EYS: variants seen among roughly 807,000 people sequenced by gnomAD.
EYS encodes the protein protein eyes shut homolog.
Under a neutral mutation model 282.1 loss-of-function variants are expected in EYS, and 250 were observed. The observed-to-expected ratio is 0.89, with a 90% CI of 0.80 to 0.98. The LOEUF is 0.98. Ranked by LOEUF, EYS falls within the 50% of genes least tolerant of loss-of-function variation. The pLI is 0.00. For missense variants in EYS, 4,016 were observed against 3,709.0 expected (o/e 1.08, Z -2.15); for synonymous variants, 1,355 against 1,282.9 (o/e 1.06, Z -1.20).
chr6:64,486,575 C>T (rs1776584063), intron 26 of EYS, among the ~76,000 whole-genome samples: 1 of 151,376 alleles, frequency 6.6e-6, no homozygotes, highest in Non-Finnish European at 1.5e-5. Context: ...TGCACATTGG[C>T]AGAGCAGCAG....
chr6:64,726,563 G>C (rs953397737), intron 22 of EYS, among the ~76,000 whole-genome samples: 3 of 152,046 alleles, frequency 2.0e-5, no homozygotes, highest in Non-Finnish European at 2.9e-5. Context: ...GATAGAAAAA[G>C]AAGAGATTCA....
intron 19 of EYS, among the ~76,000 whole-genome samples, chr6:64,884,512 A>G (rs1767024416): frequency 6.6e-6 from 1 of 151,578 alleles, no homozygotes; most frequent in Non-Finnish European, 1.5e-5. Context: ...TTGAAATGGA[A>G]CAACCTAAAA....
intron 41 of EYS, among the ~76,000 whole-genome samples, chr6:63,738,594 G>C (rs1197245686): frequency 8.3e-6 from 1 of 121,004 alleles, no homozygotes; most frequent in Admixed American, 9.3e-5. Context: ...TTGTGGGGTG[G>C]GGGGAGGGGG....
At chr6:63,791,320 C>T (rs1479966396) in intron 37 of EYS, among the ~76,000 whole-genome samples, 1 of 152,082 alleles carries the variant, frequency 6.6e-6, no homozygotes, top group African/African-American at 2.4e-5. Flanking sequence ...AATCCCAGCA[C>T]TTTGGGAGAC....
chr6:64,062,663 C>A (rs903041137), intron 33 of EYS, among the ~76,000 whole-genome samples: 1 of 148,322 alleles, frequency 6.7e-6, no homozygotes, highest in African/African-American at 2.5e-5. Context: ...TGCACTCCAA[C>A]CTGGGGGACA....
chr6:64,453,332 G>A (rs1775431203), intron 26 of EYS, among the ~76,000 whole-genome samples: 1 of 152,146 alleles, frequency 6.6e-6, no homozygotes, highest in Non-Finnish European at 1.5e-5. Flanking sequence ...AGTTAGAATG[G>A]CGATCATTAA....
rs373970881 is a variant in EYS, at chr6:64,206,363, C to T, written c.6424+24229G>A. Among the ~76,000 whole-genome samples, 15 of 152,190 alleles carry T rather than the reference C, an allele frequency of 9.9e-5. 1 individual carries two copies. Among genetic ancestry groups the T allele is most frequent in the African/African-American group, 3.6e-4 (15 of 41,556 alleles). On this transcript the variant is annotated intron_variant, in intron 31 of 42. Coordinates refer to ENST00000503581, the MANE Select transcript of EYS (RefSeq NM_001142800.2). ...AGGACTTCACTGGTTTTCCCAAGGG[C>T]CTCTCTTATTATTTTGTTATTCAAA...
intron 2 of EYS, among the ~76,000 whole-genome samples, chr6:65,620,984 A>G (rs1272497330): frequency 1.3e-5 from 2 of 152,096 alleles, no homozygotes; most frequent in African/African-American, 2.4e-5. Flanking sequence ...TATGTGGTCA[A>G]TTTTGGAATA....
intron 22 of EYS, among the ~76,000 whole-genome samples, chr6:64,658,704 A>T (rs4286754): frequency 0.64 from 97,333 of 152,044 alleles, 31,392 homozygotes; most frequent in African/African-American, 0.71. Flanking sequence ...TACTGGATCA[A>T]TCCTCTGGAA....
chr6:64,471,537 A>T (rs1776120931), intron 26 of EYS, among the ~76,000 whole-genome samples: 2 of 146,714 alleles, frequency 1.4e-5, no homozygotes, highest in Admixed American at 1.4e-4. Context: ...AGGAGTTAAA[A>T]GACCTCTATA....
intron 5 of EYS, among the ~76,000 whole-genome samples, chr6:65,480,216 A>C (rs1211851632): frequency 6.6e-6 from 1 of 152,066 alleles, no homozygotes; most frequent in African/African-American, 2.4e-5. Flanking sequence ...AGAGACAGAG[A>C]AAAATATTTG....
chr6:64,729,499 C>T (rs1349628822), intron 22 of EYS, among the ~76,000 whole-genome samples: 1 of 152,156 alleles, frequency 6.6e-6, no homozygotes, highest in Non-Finnish European at 1.5e-5. Context: ...GGATATGTCT[C>T]AGCTATCTTC....
At chr6:64,375,752 G>GT (rs1342854215) in intron 29 of EYS, among the ~76,000 whole-genome samples, 3 of 152,132 alleles carry the variant, frequency 2.0e-5, no homozygotes, top group Non-Finnish European at 4.4e-5. Flanking sequence ...GTATTAATAG[G>GT]TTTTTTAGAG....
chr6:65,127,831 G>T lies in EYS; in HGVS notation c.2024-70104C>A, dbSNP rs191326783. Among the ~76,000 whole-genome samples the T allele has an allele frequency of 1.7e-3, 255 of 152,046 alleles. 2 individuals are homozygous for T. Among genetic ancestry groups the T allele is most frequent in the African/African-American group, 5.8e-3 (240 of 41,528 alleles). ...AGACCTCATATATTAAATATGTACA[G>T]AAAAAAATGTGTGTGCAACTTTCCT... On this transcript the variant is annotated intron_variant, in intron 12 of 42. Transcript: ENST00000503581.
intron 30 of EYS, among the ~76,000 whole-genome samples, chr6:64,247,604 C>T (rs774457625): frequency 3.9e-5 from 6 of 151,950 alleles, no homozygotes; most frequent in Admixed American, 6.6e-5. Context: ...CCAGTAAAAC[C>T]GGGACCCTTT....
At chr6:64,729,752 T>C (rs1198227733) in intron 22 of EYS, among the ~76,000 whole-genome samples, 2 of 148,928 alleles carry the variant, frequency 1.3e-5, no homozygotes, top group Non-Finnish European at 3.0e-5. Flanking sequence ...TGAGTTTTGA[T>C]TTTTTTTTTA....
chr6:64,439,452 A>ACGTCTCTT (rs1774862478), intron 26 of EYS, 100 bp from the exon 27 acceptor site: 5 of 735,050 alleles, frequency 6.8e-6, no homozygotes, highest in Non-Finnish European at 1.0e-5. Context: ...AATGACTCAT[A>ACGTCTCTT]CGTCTCTTTC....
chr6:64,733,877 C>G lies in EYS; in HGVS notation c.3443+79501G>C, dbSNP rs115177275. ...GCTCCTGACTTAGTCTCACTCATATCCTCCTCATAGGCTAAATTTTCTGAA... is the reference window on the plus strand; with the variant it reads ...GCTCCTGACTTAGTCTCACTCATATGCTCCTCATAGGCTAAATTTTCTGAA... On this transcript the variant is annotated intron_variant, in intron 22 of 42. Coordinates refer to ENST00000503581, the MANE Select transcript of EYS (RefSeq NM_001142800.2). The G allele has an allele frequency of 8.7e-3, 1,365 of 157,252 alleles. 17 individuals are homozygous for G. The highest frequency in any genetic ancestry group is 0.031 in the African/African-American group (1,300 of 41,490). The allele number at this position is 157,252 out of a possible 1,614,324, so 9.7% of individuals were successfully genotyped here.
intron 22 of EYS, among the ~76,000 whole-genome samples, chr6:64,719,901 G>A (rs996215470): frequency 2.6e-5 from 4 of 152,024 alleles, no homozygotes; most frequent in Non-Finnish European, 5.9e-5. Flanking sequence ...ACTCCATCTC[G>A]AAAATAAATA....
Sources: allele counts gnomAD v4.1 joint callset (sites outside exome capture counted in the v4.1 genomes callset), GRCh38; gene constraint gnomAD v4.1.1; transcripts MANE v1.5; gene names NCBI Gene and HGNC (gene_info 2026-07-23, HGNC 2026-07-21).